The following FSTL5 variants were observed in gnomAD, a reference collection of about 807,000 sequenced individuals.
FSTL5 encodes the protein follistatin-related protein 5.
Under a neutral mutation model 89.1 loss-of-function variants are expected in FSTL5, and 62 were observed. That is an observed-to-expected ratio of 0.70 (90% confidence interval 0.57 to 0.86). The LOEUF (loss-of-function observed/expected upper bound fraction) is 0.86. Among genes scored for constraint, FSTL5 ranks in the 40% least tolerant of loss-of-function variants. FSTL5 has a pLI of 0.00. For synonymous variants in FSTL5, 383 were observed against 346.2 expected (o/e 1.11, Z -1.18); for missense variants, 1,057 against 1,001.6 (o/e 1.06, Z -0.75).
At chr4:161,728,490 A>G (rs1350781622) in intron 6 of FSTL5, among the ~76,000 whole-genome samples, 1 of 152,174 alleles carries the variant, frequency 6.6e-6, no homozygotes, top group Non-Finnish European at 1.5e-5. Flanking sequence ...TAATGACAGC[A>G]TAGAGTGATG....
chr4:161,505,576 C>G (rs1157721054), intron 11 of FSTL5, among the ~76,000 whole-genome samples: 2 of 152,138 alleles, frequency 1.3e-5, no homozygotes, highest in African/African-American at 4.8e-5. Flanking sequence ...TGGAAATCTT[C>G]ATTATTAACT....
intron 3 of FSTL5, among the ~76,000 whole-genome samples, chr4:161,979,421 A>C (rs1472293112): frequency 6.6e-6 from 1 of 152,118 alleles, no homozygotes; most frequent in Non-Finnish European, 1.5e-5. Context: ...CATTTACTTG[A>C]TTCAGTTATT....
chr4:161,944,004 A>G (rs1734668699), intron 3 of FSTL5, among the ~76,000 whole-genome samples: 1 of 152,164 alleles, frequency 6.6e-6, no homozygotes, highest in Admixed American at 6.6e-5. Context: ...GCATCAATTT[A>G]AGGCTCGTGT....
intron 1 of FSTL5, among the ~76,000 whole-genome samples, chr4:162,122,929 A>G (rs1731928496): frequency 6.6e-6 from 1 of 152,140 alleles, no homozygotes; most frequent in Non-Finnish European, 1.5e-5. Context: ...AGGGAAAATT[A>G]TTATAGGCTC....
chr4:161,987,321 TG>T (rs1387479915), intron 3 of FSTL5, among the ~76,000 whole-genome samples: 1 of 151,946 alleles, frequency 6.6e-6, no homozygotes, highest in Non-Finnish European at 1.5e-5. Context: ...CTCAAACAAA[TG>T]TATCTCTTTT....
intron 4 of FSTL5, among the ~76,000 whole-genome samples, chr4:161,820,486 C>A (rs974427869): frequency 1.3e-5 from 2 of 152,140 alleles, no homozygotes; most frequent in Non-Finnish European, 2.9e-5. Flanking sequence ...TAATGAATAT[C>A]TGCTCACCAA....
intron 4 of FSTL5, among the ~76,000 whole-genome samples, chr4:161,894,598 C>G (rs951653943): frequency 4.6e-5 from 7 of 152,158 alleles, no homozygotes; most frequent in African/African-American, 1.7e-4. Flanking sequence ...TCTGCTTCAG[C>G]CTCTCCTGTA....
intron 5 of FSTL5, among the ~76,000 whole-genome samples, chr4:161,770,395 A>G (rs1009833839): frequency 6.6e-6 from 1 of 152,004 alleles, no homozygotes; most frequent in Admixed American, 6.6e-5. Context: ...GAGGTGATGG[A>G]TACCCCATTT....
At chr4:161,562,918 G>T (rs1732657212) in intron 8 of FSTL5, among the ~76,000 whole-genome samples, 1 of 151,782 alleles carries the variant, frequency 6.6e-6, no homozygotes, top group South Asian at 2.1e-4. Flanking sequence ...TTTGTAGTTG[G>T]CTTATTTCAC....
At chr4:161,680,926 T>C (rs963966039) in intron 6 of FSTL5, among the ~76,000 whole-genome samples, 1 of 152,028 alleles carries the variant, frequency 6.6e-6, no homozygotes, top group African/African-American at 2.4e-5. Context: ...AAGTTCCTTT[T>C]TGGTATTAAA....
chr4:161,892,799 T>C (rs1318669089), intron 4 of FSTL5, among the ~76,000 whole-genome samples: 1 of 152,144 alleles, frequency 6.6e-6, no homozygotes, highest in African/African-American at 2.4e-5. Context: ...TTCTTCAGGT[T>C]CTATTTTGAA....
At chr4:161,516,209 C>G (rs1056859172) in intron 10 of FSTL5, among the ~76,000 whole-genome samples, 3 of 148,540 alleles carry the variant, frequency 2.0e-5, no homozygotes, top group Non-Finnish European at 3.0e-5. Flanking sequence ...TGCTTATGTC[C>G]TCAGCTCCTT....
At chr4:161,582,404 C>T (rs759678946) in intron 8 of FSTL5, among the ~76,000 whole-genome samples, 31 of 152,116 alleles carry the variant, frequency 2.0e-4, no homozygotes, top group Middle Eastern at 3.2e-3. Flanking sequence ...TGCATTTTCT[C>T]GCATTTTTGT....
intron 15 of FSTL5, among the ~76,000 whole-genome samples, chr4:161,429,980 G>A (rs1732297845): frequency 1.3e-5 from 2 of 152,050 alleles, no homozygotes; most frequent in South Asian, 4.2e-4. Context: ...GAAACTGAGT[G>A]AAACTCAGGA....
At chr4:161,538,332 C>G in intron 9 of FSTL5, 32 bp from the exon 10 acceptor site, 1 of 1,612,288 alleles carries the variant, frequency 6.2e-7, no homozygotes, top group Non-Finnish European at 8.5e-7. Flanking sequence ...AACTTGTAAA[C>G]TACAATTTCA....
intron 1 of FSTL5, among the ~76,000 whole-genome samples, chr4:162,143,739 CA>C (rs375356827): frequency 0.41 from 54,765 of 134,910 alleles, 11,208 homozygotes; most frequent in Admixed American, 0.51. Context: ...CACACACACA[CA>C]CACACACACC....
chr4:161,493,843 G>A (rs1376496955), intron 12 of FSTL5, among the ~76,000 whole-genome samples: 1 of 152,004 alleles, frequency 6.6e-6, no homozygotes, highest in Admixed American at 6.6e-5. Flanking sequence ...TTGGCTACTT[G>A]TTATCGATAA....
At chr4:161,744,525 T>C (rs560259226) in intron 6 of FSTL5, among the ~76,000 whole-genome samples, 1 of 152,286 alleles carries the variant, frequency 6.6e-6, no homozygotes, top group Admixed American at 6.5e-5. Flanking sequence ...TTCTACCATA[T>C]ATAAATATTC....
At chr4:161,454,161 A>G (rs1459043674) in intron 15 of FSTL5, among the ~76,000 whole-genome samples, 2 of 152,194 alleles carry the variant, frequency 1.3e-5, no homozygotes, top group Non-Finnish European at 2.9e-5. Context: ...GGAAACAAAT[A>G]CGCACAATAA....
Sources: gnomAD v4.1 joint callset for allele counts (sites outside exome capture counted in the v4.1 genomes callset) on GRCh38, gnomAD v4.1.1 for gene constraint, MANE v1.5 for transcripts, NCBI Gene and HGNC (gene_info 2026-07-23, HGNC 2026-07-21) for gene names.